The following DAAM1 variants were observed in gnomAD, a reference collection of about 807,000 sequenced individuals.
The protein encoded by DAAM1 is disheveled-associated activator of morphogenesis 1.
In DAAM1, 52 loss-of-function variants were observed where a neutral mutation model predicts 130.0. The ratio of observed to expected loss-of-function variants is 0.40; its 90% CI spans 0.32 to 0.50. DAAM1 has a LOEUF of 0.50. Among genes scored for constraint, DAAM1 ranks in the 20% least tolerant of loss-of-function variants. DAAM1 has a pLI of 0.61. For missense variants in DAAM1, 1,134 were observed against 1,303.8 expected, an observed-to-expected ratio of 0.87 and a Z score of 2.01; for synonymous variants, 452 against 444.5, an observed-to-expected ratio of 1.02 and a Z score of -0.21.
At chr14:59,296,366 G>A (rs183097775) in intron 3 of DAAM1, among the ~76,000 whole-genome samples, 16 of 152,314 alleles carry the variant, frequency 1.1e-4, no homozygotes, top group South Asian at 6.2e-4. Context: ...AGTTGGTGAA[G>A]GGCAAGGCAA....
In DAAM1 at chr14:59,200,898, G is replaced by A. The variant is rs568180307; in HGVS notation, c.-38+12130G>A. On this transcript the variant is annotated intron_variant, in intron 1 of 24. Coordinates refer to ENST00000360909, the MANE Select transcript of DAAM1 (RefSeq NM_001270520.2). The stretch of plus-strand genomic sequence containing the variant: ...CCAGGTAGGCGGGGTGCGGTGGCTC[G>A]CTCCTGTAGTCCCAGCACTTTGGGA... Among the ~76,000 whole-genome samples the A allele has an allele frequency of 3.9e-5, 6 of 152,074 alleles. No individual in the cohort carries two copies. The East Asian group carries it at 1.2e-3, about 29-fold the overall frequency.
intron 1 of DAAM1, among the ~76,000 whole-genome samples, chr14:59,243,209 A>G (rs1418906402): frequency 2.0e-5 from 3 of 152,280 alleles, no homozygotes; most frequent in African/African-American, 2.4e-5. Context: ...TCCAGGCAGT[A>G]TCTGGTTTTG....
intron 12 of DAAM1, among the ~76,000 whole-genome samples, chr14:59,330,014 A>AGGTGAGACCC (rs1373497664): frequency 6.6e-6 from 1 of 152,268 alleles, no homozygotes. Flanking sequence ...TCTTCCTCAC[A>AGGTGAGACCC]GGTGAGACCC....
chr14:59,268,470 G>A (rs1276480713), intron 2 of DAAM1, among the ~76,000 whole-genome samples: 1 of 152,152 alleles, frequency 6.6e-6, no homozygotes, highest in Non-Finnish European at 1.5e-5. Flanking sequence ...AATGTATGAG[G>A]GTTCCAGTTT....
intron 9 of DAAM1, 85 bp from the exon 10 acceptor site, chr14:59,325,875 G>A: frequency 6.6e-7 from 1 of 1,522,500 alleles, no homozygotes; most frequent in Non-Finnish European, 9.1e-7. Context: ...GGCAGGATTA[G>A]CTTCTGTTTG....
intron 1 of DAAM1, among the ~76,000 whole-genome samples, chr14:59,211,469 T>C (rs909316810): frequency 6.6e-6 from 1 of 152,226 alleles, no homozygotes; most frequent in Non-Finnish European, 1.5e-5. Flanking sequence ...GAGGATTCTC[T>C]GGAGGAAGGC....
At chr14:59,237,352 G>A (rs1190879546) in intron 1 of DAAM1, among the ~76,000 whole-genome samples, 2 of 152,156 alleles carry the variant, frequency 1.3e-5, no homozygotes, top group Non-Finnish European at 2.9e-5. Context: ...ATTAAATACT[G>A]ATCAAGCACT....
At chr14:59,349,755 C>T (rs1170155911) in intron 17 of DAAM1, among the ~76,000 whole-genome samples, 10 of 152,180 alleles carry the variant, frequency 6.6e-5, no homozygotes, top group Non-Finnish European at 5.9e-5. Flanking sequence ...GACTCCTGAT[C>T]CTCTCTTAAA....
At chr14:59,348,906 G>A (rs528782338) in intron 17 of DAAM1, among the ~76,000 whole-genome samples, 34 of 152,280 alleles carry the variant, frequency 2.2e-4, no homozygotes, top group Non-Finnish European at 3.2e-4. Flanking sequence ...CATTTGCCAT[G>A]GAGAAACTCT....
intron 1 of DAAM1, among the ~76,000 whole-genome samples, chr14:59,200,708 G>C (rs1461933143): frequency 6.6e-6 from 1 of 152,172 alleles, no homozygotes; most frequent in African/African-American, 2.4e-5. Flanking sequence ...GGATAGGTGG[G>C]ACTTCTGAGG....
Position 59,369,213 on chromosome 14 carries a change from A to G in DAAM1, c.*354A>G, listed in dbSNP as rs1887046268. ...CTGAAAGAGATAAGAGACATTCCCT[A>G]GATTCAAAGGCAAAACAGAAGAAAC... On this transcript the variant is annotated 3_prime_UTR_variant, in exon 25 of 25. Transcript: ENST00000360909. 6.0e-6 allele frequency: 1 copy of G among 165,868 alleles called. No homozygotes were observed. The highest frequency in any genetic ancestry group is 2.0e-4 in the South Asian group (1 of 5,016). 10.3% of individuals were successfully genotyped at this position (165,868 alleles called of 1,614,324 possible). A position where few individuals can be genotyped will look rare whatever the true frequency, so the allele number is the denominator to read the frequency against.
At chr14:59,269,870 T>G (rs113946621) in intron 2 of DAAM1, among the ~76,000 whole-genome samples, 48 of 152,176 alleles carry the variant, frequency 3.2e-4, no homozygotes, top group African/African-American at 1.2e-3. Flanking sequence ...GAAGTTCAGT[T>G]TAGATGACGC....
intron 15 of DAAM1, among the ~76,000 whole-genome samples, chr14:59,333,013 A>G (rs1338143231): frequency 2.6e-5 from 4 of 152,086 alleles, no homozygotes; most frequent in African/African-American, 9.7e-5. Flanking sequence ...GTGTATCAGA[A>G]AAGAAATACT....
Position 59,359,438 on chromosome 14 carries a change from A to G in DAAM1, c.2567A>G (p.Asn856Ser), listed in dbSNP as rs377139080. The G allele has an allele frequency of 5.6e-6, 9 of 1,613,838 alleles. No homozygotes were observed. Among genetic ancestry groups the G allele is most frequent in the East Asian group, 2.2e-5 (1 of 44,822 alleles). The change falls in exon 21 of 25, where the codon AAT becomes AGT. Residue 856 changes from asparagine (N) to serine (S), a missense_variant. This residue lies in a region of DAAM1 where 644 missense variants were observed against 695.9 expected (regional missense o/e 0.93). Coordinates refer to ENST00000360909, the MANE Select transcript of DAAM1 (RefSeq NM_001270520.2). ...LLHYLITIVE[N>S]KYPSVLNLNE... Reference sequence around the variant, plus strand: ...CACTATCTCATCACTATTGTGGAAAATAAGTACCCCAGTGTTCTCAATCTA... The same window carrying G: ...CACTATCTCATCACTATTGTGGAAAGTAAGTACCCCAGTGTTCTCAATCTA...
intron 1 of DAAM1, among the ~76,000 whole-genome samples, chr14:59,196,768 AAAAC>A (rs996834250): frequency 5.3e-5 from 8 of 152,112 alleles, no homozygotes; most frequent in African/African-American, 1.7e-4. Context: ...ACAAAACAAA[AAAAC>A]AAAACCCACA....
intron 1 of DAAM1, among the ~76,000 whole-genome samples, chr14:59,224,078 G>T (rs1233637925): frequency 2.0e-5 from 3 of 152,230 alleles, no homozygotes; most frequent in African/African-American, 4.8e-5. Flanking sequence ...CATGGTAAAA[G>T]TTATATTGTT....
intron 1 of DAAM1, among the ~76,000 whole-genome samples, chr14:59,206,630 A>C (rs77652087): frequency 0.059 from 9,059 of 152,306 alleles, 375 homozygotes; most frequent in Non-Finnish European, 0.09. Context: ...CCAGTGTTTA[A>C]AATTAATTGG....
At chr14:59,327,506 C>T (rs1030986979) in intron 12 of DAAM1, among the ~76,000 whole-genome samples, 1 of 143,652 alleles carries the variant, frequency 7.0e-6, no homozygotes, top group African/African-American at 2.6e-5. Context: ...CTCCTAAGTT[C>T]ACGTCATTCT....
chr14:59,226,370 GACAA>G (rs1435464639), intron 1 of DAAM1, among the ~76,000 whole-genome samples: 1 of 152,040 alleles, frequency 6.6e-6, no homozygotes, highest in South Asian at 2.1e-4. Context: ...CTAAATTTAA[GACAA>G]ACACACACAC....
Sources: gnomAD v4.1 joint callset for allele counts (sites outside exome capture counted in the v4.1 genomes callset) on GRCh38, gnomAD v4.1.1 for gene constraint, gnomAD v4.1.1 regional missense constraint, MANE v1.5 for transcripts, NCBI Gene and HGNC (gene_info 2026-07-23, HGNC 2026-07-21) for gene names.